Variants in ATL2 observed in about 807,000 individuals in gnomAD.
ATL2 encodes the protein atlastin GTPase 2, also known as atlastin-2.
In ATL2, 31 loss-of-function variants were observed where a neutral mutation model predicts 73.9. The ratio of observed to expected loss-of-function variants is 0.42; its 90% CI spans 0.32 to 0.57. The LOEUF (loss-of-function observed/expected upper bound fraction) is 0.57, where lower values mean the gene tolerates loss of function less well. Among genes scored for constraint, ATL2 ranks in the 20% least tolerant of loss-of-function variants. ATL2 has a pLI of 0.14. For synonymous variants in ATL2, 291 were observed against 237.5 expected (o/e 1.23, Z -2.07); for missense variants, 738 against 702.6 (o/e 1.05, Z -0.57).
chr2:38,317,938 A>G (rs1668112969), intron 4 of ATL2, among the ~76,000 whole-genome samples: 1 of 152,240 alleles, frequency 6.6e-6, no homozygotes, highest in Non-Finnish European at 1.5e-5. Flanking sequence ...TAAATAACCA[A>G]TAAGAAATGT....
At chr2:38,337,168 AAAAAAC>A (rs902638672) in intron 2 of ATL2, among the ~76,000 whole-genome samples, 4 of 151,952 alleles carry the variant, frequency 2.6e-5, no homozygotes, top group Admixed American at 2.6e-4. Flanking sequence ...GGACTATTAA[AAAAAAC>A]AAAAACAAAA....
intron 9 of ATL2, among the ~76,000 whole-genome samples, chr2:38,307,989 T>G (rs1290552609): frequency 2.0e-5 from 3 of 152,158 alleles, no homozygotes; most frequent in African/African-American, 7.2e-5. Flanking sequence ...AAAGGGAATC[T>G]TCGTACACTG....
intron 1 of ATL2, among the ~76,000 whole-genome samples, chr2:38,368,184 T>G (rs1671456895): frequency 6.6e-6 from 1 of 151,462 alleles, no homozygotes; most frequent in South Asian, 2.1e-4. Flanking sequence ...TCCACCCACC[T>G]CAGCCTCCCA....
intron 2 of ATL2, among the ~76,000 whole-genome samples, chr2:38,336,681 T>C (rs1669374314): frequency 6.6e-6 from 1 of 152,220 alleles, no homozygotes; most frequent in Non-Finnish European, 1.5e-5. Flanking sequence ...GGCATCAAAT[T>C]GCCTAGTCTC....
Position 38,306,580 on chromosome 2 carries a change from C to CCAAT in ATL2, c.1071+2795_1071+2798dup, listed in dbSNP as rs199950658. Among the ~76,000 whole-genome samples the CCAAT allele has an allele frequency of 1.4e-4, 22 of 152,192 alleles. No homozygotes were observed. The East Asian group carries it at 2.7e-3, about 19-fold the overall frequency. ...GGATGCAAGGACAGTTCAACATACA[C>CCAAT]CAATCAATCAATCAATCAGTCAGTC... On this transcript the variant is annotated intron_variant, in intron 9 of 12. Coordinates refer to ENST00000378954, the MANE Select transcript of ATL2 (RefSeq NM_001135673.4).
intron 2 of ATL2, among the ~76,000 whole-genome samples, chr2:38,326,792 A>G (rs993931415): frequency 3.3e-5 from 5 of 152,132 alleles, no homozygotes; most frequent in Non-Finnish European, 7.4e-5. Flanking sequence ...GTTCGAGACC[A>G]GCCTGGTCAA....
Position 38,354,929 on chromosome 2 carries a change from T to C in ATL2, c.119-11417A>G, listed in dbSNP as rs544842397. Reference sequence around the variant, plus strand: ...AAAAAAAGCCAATAAGAAACCAAAATAAAATAGTAAAAAATATTCAATGAA... The same window carrying C: ...AAAAAAAGCCAATAAGAAACCAAAACAAAATAGTAAAAAATATTCAATGAA... On this transcript the variant is annotated intron_variant, in intron 1 of 12. Transcript: ENST00000378954. 5.9e-4 allele frequency among the ~76,000 whole-genome samples: 89 copies of C among 151,206 alleles called. 1 individual carries two copies. Among genetic ancestry groups the C allele is most frequent in the African/African-American group, 2.1e-3 (88 of 41,176 alleles).
chr2:38,353,136 C>T (rs1009005659), intron 1 of ATL2, among the ~76,000 whole-genome samples: 4 of 152,140 alleles, frequency 2.6e-5, no homozygotes, highest in Non-Finnish European at 4.4e-5. Flanking sequence ...CTGCCATGAC[C>T]CAGATGCTGA....
At chr2:38,370,166 A>AG (rs1331567219) in intron 1 of ATL2, among the ~76,000 whole-genome samples, 1 of 143,156 alleles carries the variant, frequency 7.0e-6, no homozygotes, top group Non-Finnish European at 1.5e-5. Flanking sequence ...AAAAAAAAAA[A>AG]AAAAAGAAAG....
At chr2:38,345,544 A>T (rs1669969655) in intron 1 of ATL2, among the ~76,000 whole-genome samples, 1 of 152,208 alleles carries the variant, frequency 6.6e-6, no homozygotes, top group South Asian at 2.1e-4. Flanking sequence ...GCCACTTCAA[A>T]GGAGAATCTT....
At chr2:38,310,476 G>C (rs1413845963) in intron 7 of ATL2, 29 bp from the exon 8 acceptor site, 1 of 1,569,464 alleles carries the variant, frequency 6.4e-7, no homozygotes. Context: ...AGGTGAAATT[G>C]TAAACAGAAG....
chr2:38,329,192 C>G (rs1156850342), intron 2 of ATL2, among the ~76,000 whole-genome samples: 3 of 149,566 alleles, frequency 2.0e-5, no homozygotes, highest in East Asian at 3.9e-4. Context: ...TTTGGGAGGC[C>G]GAGATGGGCA....
intron 1 of ATL2, among the ~76,000 whole-genome samples, chr2:38,364,851 T>A (rs1004319664): frequency 6.6e-6 from 1 of 152,112 alleles, no homozygotes. Flanking sequence ...GAGACCATCC[T>A]GGCTAACACG....
intron 1 of ATL2, among the ~76,000 whole-genome samples, chr2:38,370,877 C>A (rs1573602326): frequency 6.6e-6 from 1 of 151,438 alleles, no homozygotes; most frequent in African/African-American, 2.4e-5. Flanking sequence ...GTGGGGGGTG[C>A]ACCCCAGAAG....
intron 1 of ATL2, among the ~76,000 whole-genome samples, chr2:38,346,576 A>T (rs936896892): frequency 2.0e-5 from 3 of 152,160 alleles, no homozygotes; most frequent in Non-Finnish European, 4.4e-5. Context: ...TCAGGATAAA[A>T]CTGTTCCATC....
At chr2:38,319,070 G>A (rs1254861339) in intron 2 of ATL2, 51 bp from the exon 3 acceptor site, 5 of 1,557,602 alleles carry the variant, frequency 3.2e-6, no homozygotes, top group Middle Eastern at 1.7e-4. Flanking sequence ...AGAAATAAAA[G>A]AAACCAAAAA....
chr2:38,330,801 C>A (rs1668943876), intron 2 of ATL2, among the ~76,000 whole-genome samples: 1 of 152,174 alleles, frequency 6.6e-6, no homozygotes, highest in Admixed American at 6.5e-5. Context: ...TAGTATTTCC[C>A]AAATTGATCT....
chr2:38,302,093 G>A (rs1283559350), intron 9 of ATL2, among the ~76,000 whole-genome samples: 3 of 152,206 alleles, frequency 2.0e-5, no homozygotes, highest in African/African-American at 7.2e-5. Context: ...GGCTGGAAGG[G>A]AACCCACTGT....
chr2:38,330,776 A>G (rs1478508585), intron 2 of ATL2, among the ~76,000 whole-genome samples: 1 of 152,264 alleles, frequency 6.6e-6, no homozygotes, highest in Non-Finnish European at 1.5e-5. Flanking sequence ...GTTAGACTTA[A>G]TATTGTTAAC....
Sources: allele counts gnomAD v4.1 joint callset (sites outside exome capture counted in the v4.1 genomes callset), GRCh38; gene constraint gnomAD v4.1.1; transcripts MANE v1.5; gene names NCBI Gene and HGNC (gene_info 2026-07-23, HGNC 2026-07-21).